HMGB1: variants seen among roughly 807,000 people sequenced by gnomAD.
HMGB1 encodes the protein high mobility group protein B1.
For missense variants in HMGB1, 79 were observed against 253.5 expected (o/e 0.31, Z 4.67); for synonymous variants, 81 against 84.0 (o/e 0.96, Z 0.19).
chr13:30,559,585 G>C lies in HMGB1; in HGVS notation c.-15+57086C>G, dbSNP rs1241222150. Among the ~76,000 whole-genome samples the C allele has an allele frequency of 1.3e-5, 2 of 152,156 alleles. No individual in the cohort carries two copies. The highest frequency in any genetic ancestry group is 4.8e-5 in the African/African-American group (2 of 41,432). ...GCTCTAACACATGAGATTAAATTTA[G>C]ATAGCCACATAGGGAAATCAGTTTT... On this transcript the variant is annotated intron_variant, in intron 1 of 4. Transcript: ENST00000405805. This position sits in a 1 kb window ranked among gnomAD's most constrained non-coding sequence, Gnocchi z 6.6.
chr13:30,586,060 AT>A (rs978528518), intron 1 of HMGB1, among the ~76,000 whole-genome samples: 2 of 151,818 alleles, frequency 1.3e-5, no homozygotes, highest in African/African-American at 4.8e-5. Context: ...CTGTTTTCTA[AT>A]TTTTTTTATT....
chr13:30,459,775 A>G lies in HMGB1; in HGVS notation c.*1582T>C. On this transcript the variant is annotated 3_prime_UTR_variant, in exon 5 of 5. Transcript: ENST00000341423. ...TACTTATTTAAAAGGTACTGCTAAG[A>G]GGTATTATTAGAAACAAGATTTAAA... 1 of 152,232 alleles carries G rather than the reference A, an allele frequency of 6.6e-6. No homozygotes were observed. Among genetic ancestry groups the G allele is most frequent in the South Asian group, 2.1e-4 (1 of 4,836 alleles). The allele number at this position is 152,232 out of a possible 1,614,324, so 9.4% of individuals were successfully genotyped here. A position where few individuals can be genotyped will look rare whatever the true frequency, so the allele number is the denominator to read the frequency against.
chr13:30,600,788 T>C (rs9508806), intron 1 of HMGB1, among the ~76,000 whole-genome samples: 75,721 of 151,930 alleles, frequency 0.5, 20,453 homozygotes, highest in African/African-American at 0.71. Flanking sequence ...ACACTTCTGG[T>C]CCCAAACATT....
intron 1 of HMGB1, among the ~76,000 whole-genome samples, chr13:30,505,264 C>T (rs752971466): frequency 1.4e-4 from 21 of 151,986 alleles, no homozygotes; most frequent in Admixed American, 2.6e-4. Context: ...CTGCAACCTC[C>T]GCCTCCTGGG....
intron 4 of HMGB1, chr13:30,461,776 C>A: frequency 1.1e-6 from 1 of 875,248 alleles, no homozygotes; most frequent in Non-Finnish European, 1.8e-6. Flanking sequence ...AAAGTTATGC[C>A]TCATTGAGGT....
rs757289411 is a variant in HMGB1 at position 30,596,305 on chromosome 13, C to A, written c.-15+20366G>T. Reference sequence around the variant, plus strand: ...TTTATAATCACATACTAGGGCCCTACAATTAGCATTCACAAACATCACTCC... The same window carrying A: ...TTTATAATCACATACTAGGGCCCTAAAATTAGCATTCACAAACATCACTCC... On this transcript the variant is annotated intron_variant, in intron 1 of 4. Coordinates refer to the HMGB1 transcript ENST00000405805. Among the ~76,000 whole-genome samples the A allele has an allele frequency of 3.3e-5, 5 of 152,176 alleles. No homozygotes were observed. The East Asian group carries it at 9.6e-4, about 29-fold the overall frequency.
chr13:30,459,233 G>C lies in HMGB1; in HGVS notation c.*2124C>G, dbSNP rs11618551. Reference sequence around the variant, plus strand: ...GAGTTTTAGACATCCAACTTCTAGGGGATACTGTTAGAACACCAAACCATA... The same window carrying C: ...GAGTTTTAGACATCCAACTTCTAGGCGATACTGTTAGAACACCAAACCATA... On this transcript the variant is annotated 3_prime_UTR_variant, in exon 5 of 5. Transcript: ENST00000341423. 1 of 152,102 alleles carries C rather than the reference G, an allele frequency of 6.6e-6. No homozygotes were observed. The highest frequency in any genetic ancestry group is 1.9e-4 in the East Asian group (1 of 5,190). 9.4% of individuals were successfully genotyped at this position (152,102 alleles called of 1,614,324 possible). A position where few individuals can be genotyped will look rare whatever the true frequency, so the allele number is the denominator to read the frequency against.
At position 30,462,467 on chromosome 13, in the gene HMGB1, C is replaced by T. The variant is rs754286912; in HGVS notation, c.471+71G>A. On this transcript the variant is annotated intron_variant, in intron 4 of 4. Transcript: ENST00000341423. ...GCTGTTACCCTAAAAACTTATTACA[C>T]CTCAAACTAAGTACAATCATACATC... 41 of 1,263,188 alleles carry T rather than the reference C, an allele frequency of 3.2e-5. No individual in the cohort carries two copies. The Middle Eastern group carries it at 5.5e-4, about 17-fold the overall frequency. 78.2% of individuals were successfully genotyped at this position (1,263,188 alleles called of 1,614,324 possible).
chr13:30,527,192 CAA>C (rs1277993515), intron 1 of HMGB1, among the ~76,000 whole-genome samples: 1 of 152,200 alleles, frequency 6.6e-6, no homozygotes, highest in Non-Finnish European at 1.5e-5. Context: ...GCAGTGATCT[CAA>C]AAATGGAATG....
intron 1 of HMGB1, among the ~76,000 whole-genome samples, chr13:30,475,005 G>C (rs1401635829): frequency 9.0e-6 from 1 of 110,662 alleles, no homozygotes; most frequent in Non-Finnish European, 1.7e-5. Flanking sequence ...CCTTAGGCTG[G>C]AGTGCAGTGA....
chr13:30,615,786 G>A (rs1036034978), intron 1 of HMGB1, among the ~76,000 whole-genome samples: 45 of 152,220 alleles, frequency 3.0e-4, no homozygotes, highest in African/African-American at 1.0e-3. Context: ...GACATCGTGA[G>A]TGGCTAAAAT....
chr13:30,559,998 C>A lies in HMGB1; in HGVS notation c.-15+56673G>T, dbSNP rs538561156. Among the ~76,000 whole-genome samples, 1 of 152,202 alleles carries A rather than the reference C, an allele frequency of 6.6e-6. No homozygotes were observed. The highest frequency in any genetic ancestry group is 2.1e-4 in the South Asian group (1 of 4,822). ...TCTCACCATTGAGACCCCCAAGGCA[C>A]CCCCTCCCAGCATTTACCAGAATGT... is the stretch of plus-strand genomic sequence containing the variant. On this transcript the variant is annotated intron_variant, in intron 1 of 4. Transcript: ENST00000405805. The surrounding 1 kb of genome is among the most constrained non-coding windows in gnomAD (Gnocchi z 6.6).
At chr13:30,526,358 A>G (rs552814896) in intron 1 of HMGB1, among the ~76,000 whole-genome samples, 2 of 152,366 alleles carry the variant, frequency 1.3e-5, no homozygotes, top group African/African-American at 2.4e-5. Flanking sequence ...CGCCTGGCCC[A>G]AACACATATT....
chr13:30,581,076 C>CA (rs1467070222), intron 1 of HMGB1, among the ~76,000 whole-genome samples: 2 of 152,108 alleles, frequency 1.3e-5, no homozygotes, highest in Non-Finnish European at 1.5e-5. Context: ...CATGAGTCAC[C>CA]ATGCCAGCCT....
Position 30,459,580 on chromosome 13 carries a change from C to T in HMGB1, c.*1777G>A, listed in dbSNP as rs1886180497. ...AACCCTGCTGTTCGCTTGCATGTAT[C>T]TTGTTTTTAAAAATCTTGTTTAAAT... On this transcript the variant is annotated 3_prime_UTR_variant, in exon 5 of 5. Coordinates refer to ENST00000341423, the MANE Select transcript of HMGB1 (RefSeq NM_002128.7). 6.6e-6 allele frequency: 1 copy of T among 152,122 alleles called. No homozygotes were observed. Among genetic ancestry groups the T allele is most frequent in the African/African-American group, 2.4e-5 (1 of 41,436 alleles). 9.4% of individuals were successfully genotyped at this position (152,122 alleles called of 1,614,324 possible). A position where few individuals can be genotyped will look rare whatever the true frequency, so the allele number is the denominator to read the frequency against.
At chr13:30,525,377 C>T (rs1489112859) in intron 1 of HMGB1, among the ~76,000 whole-genome samples, 2 of 152,148 alleles carry the variant, frequency 1.3e-5, no homozygotes, top group African/African-American at 2.4e-5. Context: ...CTCCCAACCC[C>T]CACTGGTTTT....
intron 1 of HMGB1, among the ~76,000 whole-genome samples, chr13:30,567,641 C>A (rs1016765482): frequency 6.6e-6 from 1 of 152,164 alleles, no homozygotes; most frequent in Admixed American, 6.5e-5. Flanking sequence ...TGAACCACTG[C>A]GCCCAGCCTG....
At chr13:30,587,017 ATATT>A (rs1264026355) in intron 1 of HMGB1, among the ~76,000 whole-genome samples, 1 of 152,150 alleles carries the variant, frequency 6.6e-6, no homozygotes, top group Non-Finnish European at 1.5e-5. Context: ...TTAAAATGTA[ATATT>A]TATTTTCTTT....
intron 1 of HMGB1, among the ~76,000 whole-genome samples, chr13:30,557,223 A>G (rs1305487240): frequency 2.6e-5 from 4 of 152,158 alleles, no homozygotes; most frequent in Non-Finnish European, 5.9e-5. Flanking sequence ...ATTTGCACTG[A>G]ATTCCAATTT....
Sources: gnomAD v4.1 joint callset for allele counts (sites outside exome capture counted in the v4.1 genomes callset) on GRCh38, gnomAD v4.1.1 for gene constraint, Gnocchi (gnomAD v3.1) non-coding constraint, MANE v1.5 for transcripts, NCBI Gene and HGNC (gene_info 2026-07-23, HGNC 2026-07-21) for gene names.